The following STX11 variants were observed in gnomAD, a reference collection of about 807,000 sequenced individuals.
STX11 encodes syntaxin-11.
A neutral mutation model predicts 19.9 loss-of-function variants in STX11; 21 were observed. The ratio of observed to expected loss-of-function variants is 1.06; its 90% CI spans 0.75 to 1.52. STX11 has a LOEUF of 1.52. Among genes scored for constraint, STX11 ranks in the 40% most tolerant of loss-of-function variants. The pLI is 0.00. For missense variants in STX11, 438 were observed against 405.9 expected (o/e 1.08, Z -0.68); for synonymous variants, 193 against 174.4 (o/e 1.11, Z -0.84).
intron 1 of STX11, among the ~76,000 whole-genome samples, chr6:144,157,866 G>A (rs7755560): frequency 0.055 from 8,369 of 151,430 alleles, 768 homozygotes; most frequent in African/African-American, 0.19. Flanking sequence ...GGTTCCCCCC[G>A]CTCTCTCTCT....
rs1378202368 is a variant in STX11, at chr6:144,170,563, A to T, written c.-5-16060A>T. ...TAGATTTTGGAGCATTTCAGATTTC[A>T]GATTTTCAGATTAGGAATGCTCAAT... On this transcript the variant is annotated intron_variant, in intron 1 of 1. Transcript: ENST00000367568. The surrounding 1 kb of genome is among the most constrained non-coding windows in gnomAD (Gnocchi z 4.7). Among the ~76,000 whole-genome samples the T allele has an allele frequency of 6.6e-6, 1 of 151,288 alleles. No homozygotes were observed. The highest frequency in any genetic ancestry group is 1.9e-4 in the East Asian group (1 of 5,194).
upstream of STX11, among the ~76,000 whole-genome samples, chr6:144,148,522 T>G (rs7754883): frequency 0.024 from 3,585 of 152,304 alleles, 128 homozygotes; most frequent in East Asian, 0.11. Flanking sequence ...GTACAGAATT[T>G]CCATAAATTC....
At chr6:144,173,168 C>T (rs117698943) in intron 1 of STX11, among the ~76,000 whole-genome samples, 1 of 152,336 alleles carries the variant, frequency 6.6e-6, no homozygotes, top group East Asian at 1.9e-4. Flanking sequence ...GACCCAGAGG[C>T]CTCTTTTCCT....
chr6:144,171,972 C>T (rs1180034451), intron 1 of STX11, among the ~76,000 whole-genome samples: 2 of 152,140 alleles, frequency 1.3e-5, no homozygotes, highest in East Asian at 1.9e-4. Context: ...GTTTGGTTCA[C>T]GTTGCTTATG....
chr6:144,166,358 A>G (rs1272319358), intron 1 of STX11, among the ~76,000 whole-genome samples: 2 of 152,188 alleles, frequency 1.3e-5, no homozygotes, highest in East Asian at 1.9e-4. Flanking sequence ...ATTGGCTTAG[A>G]TGCTTCAAGA....
Position 144,184,041 on chromosome 6 carries a change from G to A in STX11, c.-5-2582G>A, listed in dbSNP as rs1461314949. On this transcript the variant is annotated intron_variant, in intron 1 of 1. Coordinates refer to ENST00000367568, the MANE Select transcript of STX11 (RefSeq NM_003764.4). This position sits in a 1 kb window ranked among gnomAD's most constrained non-coding sequence, Gnocchi z 6.5. ...GATAATGGCTTCCAGCTTCATCCAT[G>A]TCCCTGCAAAGAACATGATCTCATT... Among the ~76,000 whole-genome samples, 2 of 152,164 alleles carry A rather than the reference G, an allele frequency of 1.3e-5. No individual in the cohort carries two copies. Among genetic ancestry groups the A allele is most frequent in the Admixed American group, 6.5e-5 (1 of 15,268 alleles).
rs1228004019 is a variant in STX11, at chr6:144,169,941, A to C, written c.-5-16682A>C. Among the ~76,000 whole-genome samples, 1 of 152,114 alleles carries C rather than the reference A, an allele frequency of 6.6e-6. No individual in the cohort carries two copies. The highest frequency in any genetic ancestry group is 1.5e-5 in the Non-Finnish European group (1 of 68,014). On this transcript the variant is annotated intron_variant, in intron 1 of 1. Coordinates refer to ENST00000367568, the MANE Select transcript of STX11 (RefSeq NM_003764.4). The surrounding 1 kb of genome is among the most constrained non-coding windows in gnomAD (Gnocchi z 5.2). ...GATCCTCCTGCCTTGGCCTCCCAAC[A>C]CACTGAGATTACAGGTGTGAGCCAC...
At position 144,175,980 on chromosome 6, in the gene STX11, C is replaced by G. The variant is rs546778600; in HGVS notation, c.-5-10643C>G. ...TGGCCACAGCTGATTTCACCCACCC[C>G]ACCCAGGGGTAGTGCAGAGACAACA... On this transcript the variant is annotated intron_variant, in intron 1 of 1. Transcript: ENST00000367568. The surrounding 1 kb of genome is among the most constrained non-coding windows in gnomAD (Gnocchi z 5.1). 2.0e-5 allele frequency among the ~76,000 whole-genome samples: 3 copies of G among 152,314 alleles called. No homozygotes were observed. In the East Asian group the frequency reaches 5.8e-4, roughly 29 times the overall value.
intron 1 of STX11, among the ~76,000 whole-genome samples, chr6:144,156,159 G>T (rs1388600514): frequency 7.0e-6 from 1 of 143,608 alleles, no homozygotes; most frequent in Non-Finnish European, 1.5e-5. Context: ...CCACCTCCCG[G>T]GTTCAAGCAA....
chr6:144,163,913 T>C (rs1312325724), intron 1 of STX11, among the ~76,000 whole-genome samples: 1 of 152,244 alleles, frequency 6.6e-6, no homozygotes, highest in African/African-American at 2.4e-5. Context: ...GCCACTGCAC[T>C]CAAGCCTGGG....
chr6:144,157,543 G>T (rs1255520154), intron 1 of STX11, among the ~76,000 whole-genome samples: 11 of 152,234 alleles, frequency 7.2e-5, no homozygotes. Flanking sequence ...ACCTTGCAGA[G>T]TGGAGCCCAG....
At chr6:144,166,495 CCTTT>C (rs1801480322) in intron 1 of STX11, among the ~76,000 whole-genome samples, 1 of 149,870 alleles carries the variant, frequency 6.7e-6, no homozygotes, top group Non-Finnish European at 1.5e-5. Context: ...CCTCAGTCTT[CCTTT>C]CTTTCTGTTT....
intron 1 of STX11, among the ~76,000 whole-genome samples, chr6:144,178,309 G>A (rs1226420731): frequency 2.0e-5 from 3 of 152,184 alleles, no homozygotes; most frequent in Non-Finnish European, 2.9e-5. Flanking sequence ...GAATAAATGG[G>A]TTAATACCTG....
At position 144,165,816 on chromosome 6, in the gene STX11, G is replaced by A. The variant is rs1224004205; in HGVS notation, c.-6+15113G>A. 6.6e-6 allele frequency among the ~76,000 whole-genome samples: 1 copy of A among 152,138 alleles called. No individual in the cohort carries two copies. Among genetic ancestry groups the A allele is most frequent in the African/African-American group, 2.4e-5 (1 of 41,414 alleles). On this transcript the variant is annotated intron_variant, in intron 1 of 1. Transcript: ENST00000367568. The surrounding 1 kb of genome is among the most constrained non-coding windows in gnomAD (Gnocchi z 5.8). ...TAAAATACTTTAAAGTTAACAAAGT[G>A]CTCTCATGTACATAACTTACGTAAC...
Position 144,172,137 on chromosome 6 carries a change from G to T in STX11, c.-5-14486G>T, listed in dbSNP as rs545180155. Reference sequence around the variant, plus strand: ...AGCATGGAGAAACCCAAGGAGAGGTGTATCAGGTAGCTTTGTCAGTATAAC... The same window carrying T: ...AGCATGGAGAAACCCAAGGAGAGGTTTATCAGGTAGCTTTGTCAGTATAAC... On this transcript the variant is annotated intron_variant, in intron 1 of 1. Transcript: ENST00000367568. The surrounding 1 kb of genome is among the most constrained non-coding windows in gnomAD (Gnocchi z 4.2). 6.6e-6 allele frequency among the ~76,000 whole-genome samples: 1 copy of T among 152,324 alleles called. No individual in the cohort carries two copies. Among genetic ancestry groups the T allele is most frequent in the South Asian group, 2.1e-4 (1 of 4,822 alleles).
intron 1 of STX11, among the ~76,000 whole-genome samples, chr6:144,171,171 C>T (rs1801620785): frequency 6.6e-6 from 1 of 152,194 alleles, no homozygotes; most frequent in Admixed American, 6.5e-5. Flanking sequence ...ATTCCCCAGG[C>T]TTGAACACTT....
rs1273435657 is a variant in STX11 at position 144,187,690 on chromosome 6, T to G, written c.*199T>G. 3.3e-5 allele frequency: 23 copies of G among 694,998 alleles called. No individual in the cohort carries two copies. The highest frequency in any genetic ancestry group is 5.4e-5 in the Non-Finnish European group (22 of 408,504). 43.1% of individuals were successfully genotyped at this position (694,998 alleles called of 1,614,324 possible). A position where few individuals can be genotyped will look rare whatever the true frequency, so the allele number is the denominator to read the frequency against. ...TGGTTAGTTGATACCGTCCGATGAT[T>G]CTTCAGTAAAGATAGATTCCCACAA... On this transcript the variant is annotated 3_prime_UTR_variant, in exon 2 of 2. Coordinates refer to ENST00000367568, the MANE Select transcript of STX11 (RefSeq NM_003764.4). The surrounding 1 kb of genome is among the most constrained non-coding windows in gnomAD (Gnocchi z 5.6).
At chr6:144,163,660 T>G (rs900626379) in intron 1 of STX11, among the ~76,000 whole-genome samples, 3 of 152,022 alleles carry the variant, frequency 2.0e-5, no homozygotes, top group African/African-American at 7.2e-5. Flanking sequence ...TGTATTTTTT[T>G]TCTTAGTAGA....
chr6:144,187,395 C>A lies in STX11; in HGVS notation c.768C>A (p.Thr256=), dbSNP rs780001809. Residue 256 remains threonine, a synonymous_variant, in exon 2 of 2, where the codon ACC becomes ACA. Transcript: ENST00000367568. This position sits in a 1 kb window ranked among gnomAD's most constrained non-coding sequence, Gnocchi z 5.6. ...ACGTACAAAAGACGGTCGACTACAC[C>A]GGCCAGGCCAAGGCGCAGGTGCGGA... The part of the protein sequence containing the change: ...ELNVQKTVDY[T]GQAKAQVRKA... The A allele has an allele frequency of 6.2e-7, 1 of 1,611,104 alleles. No individual in the cohort carries two copies. Among genetic ancestry groups the A allele is most frequent in the South Asian group, 1.1e-5 (1 of 91,084 alleles).
Sources: gnomAD v4.1 joint callset for allele counts (sites outside exome capture counted in the v4.1 genomes callset) on GRCh38, gnomAD v4.1.1 for gene constraint, Gnocchi (gnomAD v3.1) non-coding constraint, MANE v1.5 for transcripts, NCBI Gene and HGNC (gene_info 2026-07-23, HGNC 2026-07-21) for gene names.